The following FMN2 variants were observed in gnomAD, a reference collection of about 807,000 sequenced individuals.
The protein encoded by FMN2 is formin 2.
FMN2 carries 51 observed loss-of-function variants against 142.3 expected under a neutral mutation model. The ratio of observed to expected loss-of-function variants is 0.36; its 90% CI spans 0.29 to 0.45. The LOEUF (loss-of-function observed/expected upper bound fraction) is 0.45. Ranked by LOEUF, FMN2 falls within the 20% of genes least tolerant of loss-of-function variation. The pLI is 1.00. For synonymous variants in FMN2, 882 were observed against 869.8 expected (o/e 1.01, Z -0.25); for missense variants, 1,936 against 2,122.8 (o/e 0.91, Z 1.73).
chr1:240,148,451 AG>A (rs1571986242), intron 2 of FMN2, among the ~76,000 whole-genome samples: 4 of 114,282 alleles, frequency 3.5e-5, no homozygotes, highest in South Asian at 3.9e-4. Flanking sequence ...ACAGAGAGAG[AG>A]AAAGAGAGAG....
intron 8 of FMN2, among the ~76,000 whole-genome samples, chr1:240,309,059 G>C (rs2102984348): frequency 6.6e-6 from 1 of 152,252 alleles, no homozygotes; most frequent in Admixed American, 6.5e-5. Context: ...TAACAGTATG[G>C]GTTCAATTGG....
At chr1:240,317,597 T>A (rs1670832851) in intron 8 of FMN2, among the ~76,000 whole-genome samples, 1 of 152,216 alleles carries the variant, frequency 6.6e-6, no homozygotes, top group African/African-American at 2.4e-5. Context: ...TATTGTTGAG[T>A]AGTATTTCAT....
chr1:240,360,083 G>A (rs1672409514), intron 14 of FMN2, among the ~76,000 whole-genome samples: 1 of 152,258 alleles, frequency 6.6e-6, no homozygotes, highest in African/African-American at 2.4e-5. Flanking sequence ...ACACCGACTA[G>A]TATCACGTTA....
intron 15 of FMN2, among the ~76,000 whole-genome samples, chr1:240,425,204 TGAGAGAGAGAGAGA>T (rs142399934): frequency 2.2e-5 from 3 of 134,838 alleles, no homozygotes; most frequent in Non-Finnish European, 4.7e-5. Flanking sequence ...TTGAATGAGG[TGAGAGAGAGAGAGA>T]GAGAGAGAGA....
chr1:240,254,201 G>A (rs1226968768), intron 6 of FMN2, among the ~76,000 whole-genome samples: 2 of 152,160 alleles, frequency 1.3e-5, no homozygotes, highest in African/African-American at 4.8e-5. Context: ...GGTGAGACAA[G>A]CCTTAGGCTC....
At chr1:240,113,177 G>C (rs1045631177) in intron 1 of FMN2, among the ~76,000 whole-genome samples, 1 of 152,006 alleles carries the variant, frequency 6.6e-6, no homozygotes, top group Non-Finnish European at 1.5e-5. Flanking sequence ...CTTGACTGGG[G>C]GATACTGTGG....
In FMN2 at chr1:240,392,873, CA is replaced by C. The variant is rs1033084764; in HGVS notation, c.4910+320del. On this transcript the variant is annotated intron_variant, in intron 15 of 17. Transcript: ENST00000319653. ...GAACCTGTTTCAGAGTTTGGGTTAT[CA>C]AAAAAAAACTATGTGATTTCCATAT... Among the ~76,000 whole-genome samples the C allele has an allele frequency of 4.0e-5, 6 of 151,012 alleles. No homozygotes were observed. The South Asian group carries it at 8.4e-4, about 21-fold the overall frequency.
intron 6 of FMN2, among the ~76,000 whole-genome samples, chr1:240,232,448 T>C (rs1667560051): frequency 6.6e-6 from 1 of 152,152 alleles, no homozygotes; most frequent in Admixed American, 6.5e-5. Context: ...CTTAAAAATA[T>C]CTTTTTCATA....
At chr1:240,354,807 C>T (rs1302055797) in intron 13 of FMN2, among the ~76,000 whole-genome samples, 1 of 151,984 alleles carries the variant, frequency 6.6e-6, no homozygotes, top group Non-Finnish European at 1.5e-5. Context: ...GAAATGGCAA[C>T]CTTACCTTAA....
At chr1:240,255,893 T>C (rs1668436745) in intron 6 of FMN2, among the ~76,000 whole-genome samples, 1 of 152,150 alleles carries the variant, frequency 6.6e-6, no homozygotes, top group Non-Finnish European at 1.5e-5. Flanking sequence ...TAGGTTATAA[T>C]GCGACGAAAA....
chr1:240,144,784 G>C lies in FMN2; in HGVS notation c.1782+21439G>C, dbSNP rs186560958. 1.2e-3 allele frequency: 1,687 copies of C among 1,411,858 alleles called. 1 individual carries two copies. The highest frequency in any genetic ancestry group is 1.6e-3 in the Non-Finnish European group (1,618 of 997,466). 87.5% of individuals were successfully genotyped at this position (1,411,858 alleles called of 1,614,324 possible). ...CACAGGCCTCATGCTCTGCGTCGTG[G>C]ACCATGTTGTAGGGGACGATTTCCT... On this transcript the variant is annotated intron_variant, in intron 2 of 17. Transcript: ENST00000319653.
At chr1:240,246,158 C>T (rs7539278) in intron 6 of FMN2, among the ~76,000 whole-genome samples, 51,290 of 150,906 alleles carry the variant, frequency 0.34, 8,701 homozygotes, top group Middle Eastern at 0.43. Flanking sequence ...CCAGCCTGGG[C>T]GACAGAGCGA....
chr1:240,205,767 C>T (rs1009044112), intron 4 of FMN2, among the ~76,000 whole-genome samples: 1 of 151,572 alleles, frequency 6.6e-6, no homozygotes, highest in African/African-American at 2.4e-5. Context: ...GGCCAATGCC[C>T]TTCTTTCTAC....
At chr1:240,228,503 A>T (rs1241282715) in intron 6 of FMN2, among the ~76,000 whole-genome samples, 1 of 152,060 alleles carries the variant, frequency 6.6e-6, no homozygotes, top group East Asian at 1.9e-4. Context: ...CACATGTGCA[A>T]GGATGGCTAT....
chr1:240,227,465 T>A (rs1477112757), intron 6 of FMN2, among the ~76,000 whole-genome samples: 1 of 152,094 alleles, frequency 6.6e-6, no homozygotes, highest in Non-Finnish European at 1.5e-5. Context: ...AATTTAAAAA[T>A]TCACGTGAAA....
intron 15 of FMN2, among the ~76,000 whole-genome samples, chr1:240,431,475 C>T (rs1431668429): frequency 6.8e-6 from 1 of 146,924 alleles, no homozygotes; most frequent in East Asian, 2.0e-4. Context: ...CCAATTTTTT[C>T]CTCTATTGAC....
At chr1:240,223,832 C>A (rs1357236365) in intron 6 of FMN2, among the ~76,000 whole-genome samples, 1 of 151,996 alleles carries the variant, frequency 6.6e-6, no homozygotes, top group Admixed American at 6.6e-5. Context: ...GTGGTGATAT[C>A]CCCTTTATCA....
chr1:240,197,737 T>C (rs1369001298), intron 4 of FMN2, among the ~76,000 whole-genome samples: 1 of 152,142 alleles, frequency 6.6e-6, no homozygotes, highest in Non-Finnish European at 1.5e-5. Flanking sequence ...TACCCTCAGA[T>C]GCACTTTAAG....
intron 6 of FMN2, chr1:240,245,432 G>A: frequency 2.2e-6 from 1 of 451,700 alleles, no homozygotes; most frequent in Non-Finnish European, 4.6e-6. Context: ...AAGCATCAGT[G>A]GAACTTGATG....
Sources: gnomAD v4.1 joint callset for allele counts (sites outside exome capture counted in the v4.1 genomes callset) on GRCh38, gnomAD v4.1.1 for gene constraint, MANE v1.5 for transcripts, NCBI Gene and HGNC (gene_info 2026-07-23, HGNC 2026-07-21) for gene names.